Variants in FER1L5 observed in about 807,000 individuals in gnomAD.
The protein encoded by FER1L5 is fer-1-like protein 5.
FER1L5 carries 187 observed loss-of-function variants against 279.9 expected under a neutral mutation model. The observed-to-expected ratio is 0.67, with a 90% CI of 0.59 to 0.75. FER1L5 has a LOEUF of 0.75. FER1L5 is among the 30% of genes least tolerant of loss of function. FER1L5 has a pLI of 0.00. For synonymous variants in FER1L5, 921 were observed against 989.7 expected (o/e 0.93, Z 1.30); for missense variants, 2,091 against 2,594.4 (o/e 0.81, Z 4.21).
At chr2:96,699,893 C>T (rs2077528163) in intron 43 of FER1L5, 39 bp from the exon 44 acceptor site, 1 of 1,609,162 alleles carries the variant, frequency 6.2e-7, no homozygotes. Context: ...TTCTTCAGGA[C>T]CCAAACCTCC....
At chr2:96,684,251 C>T (rs898973718) in intron 19 of FER1L5, 76 bp from the exon 20 acceptor site, 50 of 1,507,758 alleles carry the variant, frequency 3.3e-5, no homozygotes, top group South Asian at 3.9e-5. Context: ...GAGAGGTCCT[C>T]GGAGGGAGCA....
At position 96,698,590 on chromosome 2, in the gene FER1L5, T is replaced by G; in HGVS notation, c.4357-81T>G. ...AGCCCAACCCTCTCTCTCCTGAACA[T>G]GGGCTGGGGCACCTCCCAGAGGGCT... On this transcript the variant is annotated intron_variant, in intron 40 of 52. Coordinates refer to ENST00000624922, the MANE Select transcript of FER1L5 (RefSeq NM_001293083.2). This position sits in a 1 kb window ranked among gnomAD's most constrained non-coding sequence, Gnocchi z 5.5. The G allele has an allele frequency of 1.6e-6, 2 of 1,219,352 alleles. No homozygotes were observed. The allele number at this position is 1,219,352 out of a possible 1,614,324, so 75.5% of individuals were successfully genotyped here.
intron 19 of FER1L5, among the ~76,000 whole-genome samples, chr2:96,674,696 TAAAATG>T (rs1432096117): frequency 2.6e-5 from 4 of 151,894 alleles, no homozygotes; most frequent in African/African-American, 9.7e-5. Context: ...AGAAGAATAA[TAAAATG>T]AGGGAGGCTG....
rs899254674 is a variant in FER1L5, at chr2:96,702,572, G to A, written c.5256-28G>A. 1.3e-6 allele frequency: 2 copies of A among 1,556,738 alleles called. No homozygotes were observed. Among genetic ancestry groups the A allele is most frequent in the African/African-American group, 1.4e-5 (1 of 73,386 alleles). On this transcript the variant is annotated intron_variant, in intron 47 of 52. Transcript: ENST00000624922. The surrounding 1 kb of genome is among the most constrained non-coding windows in gnomAD (Gnocchi z 4.0). ...TGGGGGATGGGGCCAATGCACATGA[G>A]CCACAGGTGATAGGACTCTGGCCCC...
At chr2:96,668,135 A>G (rs185884593) in intron 14 of FER1L5, among the ~76,000 whole-genome samples, 1,841 of 152,248 alleles carry the variant, frequency 0.012, 129 homozygotes, top group Admixed American at 0.11. Context: ...GTGAGCCACC[A>G]TGCTTGTCCA....
chr2:96,670,198 A>G lies in FER1L5; in HGVS notation c.1442A>G (p.Tyr481Cys), dbSNP rs778908692. 2.6e-6 allele frequency: 4 copies of G among 1,551,594 alleles called. No individual in the cohort carries two copies. The highest frequency in any genetic ancestry group is 1.2e-5 in the South Asian group (1 of 84,056). Reference sequence around the variant, plus strand: ...GAGTTAATCACCCAAATCAAGTCCTATCAAGACTCCACGATAAAGGATCTC... The same window carrying G: ...GAGTTAATCACCCAAATCAAGTCCTGTCAAGACTCCACGATAAAGGATCTC... ...FLELITQIKS[Y>C]QDSTIKDLSH... The change falls in exon 18 of 53, where the codon TAT (tyrosine) becomes TGT (cysteine). Residue 481 changes from tyrosine (Y) to cysteine (C), a missense_variant. Transcript: ENST00000624922.
At chr2:96,645,090 C>T (rs1393907545) in intron 1 of FER1L5, among the ~76,000 whole-genome samples, 9 of 152,232 alleles carry the variant, frequency 5.9e-5, no homozygotes, top group African/African-American at 2.2e-4. Flanking sequence ...TAACCTGCAC[C>T]CCTTCCCACT....
chr2:96,704,141 A>T, intron 51 of FER1L5, 74 bp from the exon 52 acceptor site: 1 of 1,556,412 alleles, frequency 6.4e-7, no homozygotes, highest in Admixed American at 1.9e-5. Context: ...TAAAAAAGAA[A>T]GCTCTTTGCA....
chr2:96,648,491 G>A (rs1025816304), intron 4 of FER1L5, among the ~76,000 whole-genome samples: 4 of 152,230 alleles, frequency 2.6e-5, no homozygotes, highest in African/African-American at 9.6e-5. Context: ...AGCCCAAGGC[G>A]GGCCTCCCAT....
Position 96,698,943 on chromosome 2 carries a change from G to T in FER1L5, c.4519-102G>T, listed in dbSNP as rs375640674. The T allele has an allele frequency of 1.1e-5, 17 of 1,528,868 alleles. No individual in the cohort carries two copies. The South Asian group carries it at 1.9e-4, about 17-fold the overall frequency. The allele number at this position is 1,528,868 out of a possible 1,614,324, so 94.7% of individuals were successfully genotyped here. On this transcript the variant is annotated intron_variant, in intron 41 of 52. Coordinates refer to ENST00000624922, the MANE Select transcript of FER1L5 (RefSeq NM_001293083.2). This position sits in a 1 kb window ranked among gnomAD's most constrained non-coding sequence, Gnocchi z 5.5. ...AGAATGCCAACTCCCCATAGGCTCC[G>T]TGTGGTGCGAGGGGCTTGTTTCCAC...
At chr2:96,682,708 G>A (rs1350207942) in intron 19 of FER1L5, among the ~76,000 whole-genome samples, 1 of 152,152 alleles carries the variant, frequency 6.6e-6, no homozygotes, top group Non-Finnish European at 1.5e-5. Flanking sequence ...TGACCACTTT[G>A]TTTTATTGAT....
intron 37 of FER1L5, among the ~76,000 whole-genome samples, chr2:96,696,418 G>C (rs544454790): frequency 1.3e-5 from 2 of 151,990 alleles, no homozygotes; most frequent in East Asian, 3.9e-4. Context: ...TCAGCCTCTT[G>C]AGCAGCTGGG....
chr2:96,663,506 A>C lies in FER1L5; in HGVS notation c.1139A>C (p.Gln380Pro). 5.2e-6 allele frequency: 8 copies of C among 1,551,512 alleles called. No individual in the cohort carries two copies. Among genetic ancestry groups the C allele is most frequent in the Non-Finnish European group, 7.0e-6 (8 of 1,146,864 alleles). ...IWNQILTFRI[Q>P]LPCLSSYIKF... ...AACCAGATCCTGACCTTCCGGATTC[A>C]GGTATGGCTCCTCCATCATGCCCAC... Residue 380 changes from glutamine (Q) to proline (P), a missense_variant and splice_region_variant, in exon 14 of 53, where the codon CAG (glutamine) becomes CCG (proline). Physicochemically the swap from Gln to Pro is moderately conservative, Grantham distance 76. Coordinates refer to ENST00000624922, the MANE Select transcript of FER1L5 (RefSeq NM_001293083.2).
In FER1L5 at chr2:96,695,870, C is replaced by G; in HGVS notation, c.4023C>G (p.Pro1341=). The G allele has an allele frequency of 6.2e-7, 1 of 1,613,686 alleles. No individual in the cohort carries two copies. The highest frequency in any genetic ancestry group is 1.1e-5 in the South Asian group (1 of 91,000). ...IDFLQPYFCD[P]WAQDYMHPKL... ...TCCTCCAGCCCTACTTCTGTGACCC[C>G]TGGGCTCAAGACTATATGCACCCAA... The change falls in exon 36 of 53, where the codon CCC becomes CCG. Residue 1341 remains proline, a synonymous_variant. Coordinates refer to ENST00000624922, the MANE Select transcript of FER1L5 (RefSeq NM_001293083.2).
Position 96,703,182 on chromosome 2 carries a change from C to G in FER1L5, c.5527C>G (p.Pro1843Ala). 2 of 1,613,026 alleles carry G rather than the reference C, an allele frequency of 1.2e-6. No homozygotes were observed. The highest frequency in any genetic ancestry group is 1.7e-6 in the Non-Finnish European group (2 of 1,179,360). Residue 1843 changes from proline to alanine, a missense_variant, in exon 50 of 53, where the codon CCC (proline) becomes GCC (alanine). Pro to Ala is a conservative substitution (Grantham distance 27, BLOSUM62 -1). Coordinates refer to ENST00000624922, the MANE Select transcript of FER1L5 (RefSeq NM_001293083.2). ...GVLELDLSDM[P>A]LPARHAKQCS... is the part of the protein sequence containing the mutation. ...CCTGGAGCTGGATTTGTCTGACATG[C>G]CCCTCCCGGCTCGGCACGCCAAGCA...
chr2:96,646,446 G>T lies in FER1L5; in HGVS notation c.131G>T (p.Trp44Leu). Residue 44 changes from tryptophan (W) to leucine (L), a missense_variant, in exon 2 of 53, where the codon TGG becomes TTG. Physicochemically the swap from Trp to Leu is moderately conservative, Grantham distance 61. Transcript: ENST00000624922. The stretch of plus-strand genomic sequence containing the variant: ...GTGGTGGAAGGGAATGATCCCGTGT[G>T]GAATGAGGTAGACAACAGGGCAAGC... ...TRVVEGNDPV[W>L]NETLIWHLWN... The T allele has an allele frequency of 6.4e-7, 1 of 1,551,760 alleles. No homozygotes were observed. Among genetic ancestry groups the T allele is most frequent in the East Asian group, 2.4e-5 (1 of 40,918 alleles).
intron 14 of FER1L5, among the ~76,000 whole-genome samples, chr2:96,666,655 A>AT (rs1287314720): frequency 1.5e-4 from 22 of 150,184 alleles, no homozygotes; most frequent in African/African-American, 5.2e-4. Flanking sequence ...TCTTTTATTT[A>AT]TTTATTTTTT....
chr2:96,702,614 TG>T lies in FER1L5; in HGVS notation c.5272del (p.Glu1758ArgfsTer14). 2 of 1,579,804 alleles carry T rather than the reference TG, an allele frequency of 1.3e-6. No individual in the cohort carries two copies. The highest frequency in any genetic ancestry group is 1.7e-6 in the Non-Finnish European group (2 of 1,163,170). On this transcript the variant is annotated frameshift_variant, in exon 48 of 53. Coordinates refer to ENST00000624922, the MANE Select transcript of FER1L5 (RefSeq NM_001293083.2). LOFTEE classifies it high-confidence loss of function. The surrounding 1 kb of genome is among the most constrained non-coding windows in gnomAD (Gnocchi z 4.0). ...DIYIKGWLYG[L>X]EKDMQKTDIH... The stretch of plus-strand genomic sequence containing the variant: ...TCTGGCCCCAGGTGGTTATACGGGC[TG>T]GAGAAGGACATGCAGAAGACAGACA...
In FER1L5 at chr2:96,661,372, C is replaced by T; in HGVS notation, c.826C>T (p.Pro276Ser). 1 of 1,551,596 alleles carries T rather than the reference C, an allele frequency of 6.4e-7. No individual in the cohort carries two copies. ...GCTAGGCCTCTGCCAGCCAAATAAC[C>T]CTGGCAGTGGTGTGACAGGCTACCT... ...KWLGLCQPNN[P>S]GSGVTGYLKV... The change falls in exon 11 of 53, where the codon CCT becomes TCT. Residue 276 changes from proline to serine, a missense_variant. Coordinates refer to ENST00000624922, the MANE Select transcript of FER1L5 (RefSeq NM_001293083.2).
Sources: gnomAD v4.1 joint callset for allele counts (sites outside exome capture counted in the v4.1 genomes callset) on GRCh38, gnomAD v4.1.1 for gene constraint, Gnocchi (gnomAD v3.1) non-coding constraint, MANE v1.5 for transcripts, NCBI Gene and HGNC (gene_info 2026-07-23, HGNC 2026-07-21) for gene names.